The following TNFRSF13B variants were observed in gnomAD, a reference collection of about 807,000 sequenced individuals.
The protein encoded by TNFRSF13B is tumor necrosis factor receptor superfamily member 13B.
A neutral mutation model predicts 24.0 loss-of-function variants in TNFRSF13B; 34 were observed. That is an observed-to-expected ratio of 1.41 (90% CI 1.08 to 1.88). TNFRSF13B has a LOEUF of 1.88. TNFRSF13B is among the 40% of genes most tolerant of loss of function. The pLI, the probability that TNFRSF13B is intolerant of heterozygous loss-of-function variation, is 0.00. For synonymous variants in TNFRSF13B, 173 were observed against 150.3 expected (o/e 1.15, Z -1.10); for missense variants, 415 against 380.8 (o/e 1.09, Z -0.75).
chr17:16,939,847 G>T, intron 4 of TNFRSF13B, 50 bp from the exon 5 acceptor site: 2 of 1,576,652 alleles, frequency 1.3e-6, no homozygotes, highest in Non-Finnish European at 1.7e-6. Flanking sequence ...CCTGCACTAG[G>T]GTAGGGGTGA....
chr17:16,970,767 A>T (rs985246191), intron 1 of TNFRSF13B, among the ~76,000 whole-genome samples: 1 of 152,208 alleles, frequency 6.6e-6, no homozygotes, highest in Admixed American at 6.5e-5. Context: ...GCCCCAGAGC[A>T]CTGGGCAATT....
At chr17:16,965,073 T>G (rs888657456) in intron 1 of TNFRSF13B, among the ~76,000 whole-genome samples, 11 of 152,058 alleles carry the variant, frequency 7.2e-5, no homozygotes, top group African/African-American at 2.7e-4. Context: ...TTATAATAAT[T>G]TATAATAATG....
chr17:16,949,904 G>T (rs1390819737), intron 2 of TNFRSF13B, among the ~76,000 whole-genome samples: 1 of 151,820 alleles, frequency 6.6e-6, no homozygotes, highest in Non-Finnish European at 1.5e-5. Context: ...CAGGCTGGTC[G>T]TGAACTCCTG....
At position 16,948,887 on chromosome 17, in the gene TNFRSF13B, T is replaced by G. The variant is rs1375800035; in HGVS notation, c.296A>C (p.Gln99Pro). 1.2e-6 allele frequency: 2 copies of G among 1,614,206 alleles called. No homozygotes were observed. Among genetic ancestry groups the G allele is most frequent in the Non-Finnish European group, 1.7e-6 (2 of 1,180,024 alleles). The change falls in exon 3 of 5, where the codon CAA (glutamine) becomes CCA (proline). Residue 99 changes from glutamine to proline, a missense_variant. Transcript: ENST00000261652. ...CTTGTTCTCACAGAAGTATGCACATTGCTTAGGGTGCTGTCCACAGATGGA... is the reference window on the plus strand; with the variant it reads ...CTTGTTCTCACAGAAGTATGCACATGGCTTAGGGTGCTGTCCACAGATGGA... ...CASICGQHPK[Q>P]CAYFCENKLR...
At chr17:16,941,480 G>C in intron 3 of TNFRSF13B, 1 of 987,626 alleles carries the variant, frequency 1.0e-6, no homozygotes, top group Non-Finnish European at 1.2e-6. Flanking sequence ...TCTAGGCGCT[G>C]GGTGGAAAGA....
At position 16,939,817 on chromosome 17, in the gene TNFRSF13B, G is replaced by A; in HGVS notation, c.632-20C>T. On this transcript the variant is annotated intron_variant, in intron 4 of 4. Transcript: ENST00000261652. ...CGTGATCTGCAGAGGCGAGAGTGGA[G>A]GGCGTGGGCCAGGCCTGGCCCTGCA... 1.2e-6 allele frequency: 2 copies of A among 1,608,338 alleles called. No homozygotes were observed. Among genetic ancestry groups the A allele is most frequent in the Non-Finnish European group, 1.7e-6 (2 of 1,178,036 alleles).
At chr17:16,945,977 G>A (rs2087544954) in intron 3 of TNFRSF13B, among the ~76,000 whole-genome samples, 1 of 152,208 alleles carries the variant, frequency 6.6e-6, no homozygotes, top group Non-Finnish European at 1.5e-5. Flanking sequence ...GTCATGAGAT[G>A]GACGCACCTG....
chr17:16,968,609 A>T (rs575282731), intron 1 of TNFRSF13B, among the ~76,000 whole-genome samples: 2 of 152,376 alleles, frequency 1.3e-5, no homozygotes, highest in South Asian at 2.1e-4. Flanking sequence ...CACAGAACTC[A>T]TAGAAGAAAA....
chr17:16,945,752 C>T (rs567530894), intron 3 of TNFRSF13B, among the ~76,000 whole-genome samples: 2 of 152,302 alleles, frequency 1.3e-5, no homozygotes, highest in South Asian at 2.1e-4. Flanking sequence ...TCAGGAGAGG[C>T]TGTGCTAGAT....
intron 3 of TNFRSF13B, among the ~76,000 whole-genome samples, chr17:16,944,017 C>G (rs4239139): frequency 1 from 152,314 of 152,314 alleles, 76,157 homozygotes; most frequent in Non-Finnish European, 1. Flanking sequence ...AGCCTGCCCT[C>G]CTCTCCCCAC....
chr17:16,965,740 G>T (rs971937180), intron 1 of TNFRSF13B, among the ~76,000 whole-genome samples: 1 of 152,178 alleles, frequency 6.6e-6, no homozygotes, highest in African/African-American at 2.4e-5. Context: ...AAGTGACTGG[G>T]CCAGAAACGA....
Position 16,940,531 on chromosome 17 carries a change from C to A in TNFRSF13B, c.446-20G>T. 6.2e-7 allele frequency: 1 copy of A among 1,610,926 alleles called. No individual in the cohort carries two copies. Among genetic ancestry groups the A allele is most frequent in the Non-Finnish European group, 8.5e-7 (1 of 1,179,366 alleles). On this transcript the variant is annotated intron_variant, in intron 3 of 4. Transcript: ENST00000261652. ...GGAGAGCTGCAAGACAGCATGAGAC[C>A]CCTCTCTGCAGTGCCTTCTTCTCTT...
In TNFRSF13B at chr17:16,952,570, C is replaced by T. The variant is rs749666239; in HGVS notation, c.75G>A (p.Leu25=). The T allele has an allele frequency of 9.9e-6, 16 of 1,614,204 alleles. No individual in the cohort carries two copies. The highest frequency in any genetic ancestry group is 2.2e-5 in the East Asian group (1 of 44,888). Reference sequence around the variant, plus strand: ...AGGATCTCATAGCCACCCCCGTCCACAGGCCCTGTGGAACTGAGAGACCAG... The same window carrying T: ...AGGATCTCATAGCCACCCCCGTCCATAGGCCCTGTGGAACTGAGAGACCAG... ...VDQEERFPQG[L]WTGVAMRSCP... is the part of the protein sequence containing the mutation. Residue 25 remains leucine, a synonymous_variant, in exon 2 of 5, where the codon CTG becomes CTA. Coordinates refer to ENST00000261652, the MANE Select transcript of TNFRSF13B (RefSeq NM_012452.3).
intron 2 of TNFRSF13B, among the ~76,000 whole-genome samples, chr17:16,949,412 A>G (rs1192086510): frequency 2.0e-5 from 3 of 152,202 alleles, no homozygotes; most frequent in Non-Finnish European, 2.9e-5. Context: ...CAGCATAAGG[A>G]AAGAAGGGGA....
intron 3 of TNFRSF13B, among the ~76,000 whole-genome samples, chr17:16,942,653 C>A (rs879575606): frequency 6.6e-6 from 1 of 152,218 alleles, no homozygotes; most frequent in Non-Finnish European, 1.5e-5. Context: ...AGGGGAGACG[C>A]TACCAGCCCT....
intron 1 of TNFRSF13B, among the ~76,000 whole-genome samples, chr17:16,959,091 T>C (rs1197100453): frequency 6.6e-6 from 1 of 152,092 alleles, no homozygotes; most frequent in African/African-American, 2.4e-5. Context: ...CTTTAAAATT[T>C]TTTAATTTTT....
In TNFRSF13B at chr17:16,940,327, C is replaced by T. The variant is rs753672916; in HGVS notation, c.630G>A (p.Gln210=). 22 of 1,613,222 alleles carry T rather than the reference C, an allele frequency of 1.4e-5. No individual in the cohort carries two copies. Among genetic ancestry groups the T allele is most frequent in the Non-Finnish European group, 1.8e-5 (21 of 1,179,968 alleles). The change falls in exon 4 of 5, where the codon CAG becomes CAA. Residue 210 remains glutamine, a splice_region_variant and synonymous_variant. Transcript: ENST00000261652. ...AGGACCCCAGTTTCATGCACTCACC[C>T]TGGGAAGACTTGGCCGGACTTTGAC... The part of the protein sequence containing the change: ...RPRQSPAKSS[Q]DHAMEAGSPV...
chr17:16,940,296 A>G, intron 4 of TNFRSF13B, 30 bp downstream of exon 4: 1 of 1,612,152 alleles, frequency 6.2e-7, no homozygotes, highest in Non-Finnish European at 8.5e-7. Context: ...AGCAGCGAGA[A>G]GGGCGAGGAC....
chr17:16,956,263 A>C (rs1194502515), intron 1 of TNFRSF13B, among the ~76,000 whole-genome samples: 3 of 152,266 alleles, frequency 2.0e-5, no homozygotes, highest in Admixed American at 2.0e-4. Flanking sequence ...TTCAGCCCTT[A>C]ACAGGCAAGT....
Sources: gnomAD v4.1 joint callset for allele counts (sites outside exome capture counted in the v4.1 genomes callset) on GRCh38, gnomAD v4.1.1 for gene constraint, MANE v1.5 for transcripts, NCBI Gene and HGNC (gene_info 2026-07-23, HGNC 2026-07-21) for gene names.